EVC: variants seen among roughly 807,000 people sequenced by gnomAD.
EVC encodes the protein EvC ciliary complex subunit 1, also known as evC complex member EVC.
EVC carries 116 observed loss-of-function variants against 118.9 expected under a neutral mutation model. That is an observed-to-expected ratio of 0.98 (90% CI 0.84 to 1.14). The LOEUF (loss-of-function observed/expected upper bound fraction) is 1.14. Among genes scored for constraint, EVC ranks in the 50% most tolerant of loss-of-function variants. The pLI is 0.00. For missense variants in EVC, 1,401 were observed against 1,246.4 expected (o/e 1.12, Z -1.87); for synonymous variants, 619 against 534.7 (o/e 1.16, Z -2.18).
At chr4:5,780,786 T>C (rs1376267244) in intron 11 of EVC, among the ~76,000 whole-genome samples, 1 of 152,196 alleles carries the variant, frequency 6.6e-6, no homozygotes, top group African/African-American at 2.4e-5. Context: ...AGACAGCTCA[T>C]GGACTCAGCC....
rs1731115287 is a variant in EVC at position 5,756,012 on chromosome 4, T to C, written c.1465-252T>C. Among the ~76,000 whole-genome samples the C allele has an allele frequency of 6.6e-6, 1 of 152,150 alleles. No homozygotes were observed. The highest frequency in any genetic ancestry group is 2.4e-5 in the African/African-American group (1 of 41,448). On this transcript the variant is annotated intron_variant, in intron 10 of 20. Transcript: ENST00000264956. This position sits in a 1 kb window ranked among gnomAD's most constrained non-coding sequence, Gnocchi z 4.2. ...CAGAGGAGTGACAGAAGTGGTCCAGTGGCCCCTCCTCATCCTGGCTTTAAC... is the reference window on the plus strand; with the variant it reads ...CAGAGGAGTGACAGAAGTGGTCCAGCGGCCCCTCCTCATCCTGGCTTTAAC...
Position 5,798,172 on chromosome 4 carries a change from A to G in EVC, c.2098-414A>G, listed in dbSNP as rs1389386842. 6.6e-6 allele frequency among the ~76,000 whole-genome samples: 1 copy of G among 152,196 alleles called. No individual in the cohort carries two copies. The highest frequency in any genetic ancestry group is 1.5e-5 in the Non-Finnish European group (1 of 68,032). ...CTCAGAGCCCTGTGTGCCCTGCCTC[A>G]GCTTCTGTGATATCCTGAGACTCAC... On this transcript the variant is annotated intron_variant, in intron 14 of 20. Transcript: ENST00000264956. The surrounding 1 kb of genome is among the most constrained non-coding windows in gnomAD (Gnocchi z 4.1).
At chr4:5,751,133 C>A (rs1251841877) in intron 8 of EVC, among the ~76,000 whole-genome samples, 1 of 152,164 alleles carries the variant, frequency 6.6e-6, no homozygotes, top group Non-Finnish European at 1.5e-5. Flanking sequence ...GCTCACTGTT[C>A]CCTGGCCGTT....
At chr4:5,807,291 A>T (rs1038113654) in intron 17 of EVC, among the ~76,000 whole-genome samples, 2 of 152,178 alleles carry the variant, frequency 1.3e-5, no homozygotes, top group African/African-American at 4.8e-5. Flanking sequence ...GGGATGGATG[A>T]CAGCGTCTTG....
intron 8 of EVC, among the ~76,000 whole-genome samples, chr4:5,752,093 G>A (rs1027032512): frequency 6.6e-6 from 1 of 151,952 alleles, no homozygotes; most frequent in African/African-American, 2.4e-5. Context: ...CTGTGGCCTC[G>A]GCCCAGCACA....
chr4:5,729,949 T>C (rs1726515930), intron 3 of EVC, among the ~76,000 whole-genome samples: 1 of 152,204 alleles, frequency 6.6e-6, no homozygotes, highest in Non-Finnish European at 1.5e-5. Flanking sequence ...GGTTACACCT[T>C]CCATGGCGCT....
chr4:5,761,207 A>G (rs1464524234), intron 11 of EVC, among the ~76,000 whole-genome samples: 1 of 152,064 alleles, frequency 6.6e-6, no homozygotes, highest in Non-Finnish European at 1.5e-5. Context: ...TCCAAGGCCC[A>G]GACCTGGCAC....
rs577067865 is a variant in EVC, at chr4:5,787,912, T to C, written c.1776+4148T>C. Among the ~76,000 whole-genome samples, 100 of 152,294 alleles carry C rather than the reference T, an allele frequency of 6.6e-4. 2 individuals are homozygous for C. Among genetic ancestry groups the C allele is most frequent in the African/African-American group, 2.3e-3 (96 of 41,564 alleles). Reference sequence around the variant, plus strand: ...GCCGAGCTTTCAGGCCTCCTCTTACTGGACAAGGTGGTGTTTGGCCAAGTT... The same window carrying C: ...GCCGAGCTTTCAGGCCTCCTCTTACCGGACAAGGTGGTGTTTGGCCAAGTT... On this transcript the variant is annotated intron_variant, in intron 12 of 20. Coordinates refer to ENST00000264956, the MANE Select transcript of EVC (RefSeq NM_153717.3).
chr4:5,728,308 C>T (rs1040473127), intron 2 of EVC, among the ~76,000 whole-genome samples: 1 of 151,826 alleles, frequency 6.6e-6, no homozygotes, highest in Non-Finnish European at 1.5e-5. Flanking sequence ...AAGTTGGATT[C>T]CTAGGTATTT....
chr4:5,741,180 G>C (rs936202069), intron 5 of EVC, among the ~76,000 whole-genome samples: 4 of 152,194 alleles, frequency 2.6e-5, no homozygotes, highest in Non-Finnish European at 5.9e-5. Flanking sequence ...AAATAATCCA[G>C]ATGTCTTACA....
rs1251063717 is a variant in EVC, at chr4:5,809,995, T to C, written c.2783-344T>C. ...GTGGTGTGAGAACACAGAGATCTAC[T>C]GAAACAAAAGCTGTCACACTGGTGC... On this transcript the variant is annotated intron_variant, in intron 19 of 20. Coordinates refer to ENST00000264956, the MANE Select transcript of EVC (RefSeq NM_153717.3). Among the ~76,000 whole-genome samples the C allele has an allele frequency of 2.0e-5, 3 of 152,222 alleles. No individual in the cohort carries two copies. In the East Asian group the frequency reaches 5.8e-4, roughly 29 times the overall value.
intron 1 of EVC, among the ~76,000 whole-genome samples, chr4:5,712,423 G>A (rs1304357101): frequency 6.6e-6 from 1 of 152,214 alleles, no homozygotes; most frequent in Non-Finnish European, 1.5e-5. Flanking sequence ...TGCTTCCTAT[G>A]CAAGTGGCCC....
chr4:5,748,719 C>CCAT, intron 8 of EVC, among the ~76,000 whole-genome samples: 1 of 114,686 alleles, frequency 8.7e-6, no homozygotes, highest in Non-Finnish European at 1.8e-5. Flanking sequence ...CATCCACCCA[C>CCAT]CCACCCATCC....
chr4:5,753,306 G>A (rs545165910), intron 9 of EVC, among the ~76,000 whole-genome samples: 3 of 152,342 alleles, frequency 2.0e-5, no homozygotes, highest in Admixed American at 2.0e-4. Context: ...CAGGGATTCC[G>A]GCTGATTGAG....
At chr4:5,722,910 G>C (rs1324552295) in intron 2 of EVC, among the ~76,000 whole-genome samples, 3 of 152,218 alleles carry the variant, frequency 2.0e-5, no homozygotes, top group African/African-American at 7.2e-5. Context: ...CCTTAATGAG[G>C]AGAGCTTTAA....
At chr4:5,809,656 G>T (rs1285321582) in intron 19 of EVC, 45 bp downstream of exon 19, 3 of 1,536,550 alleles carry the variant, frequency 2.0e-6, no homozygotes, top group Non-Finnish European at 2.7e-6. Context: ...ACTCTGGGCT[G>T]AGAGATACGG....
chr4:5,825,476 G>C, the EVC span: 1 of 1,553,070 alleles, frequency 6.4e-7, no homozygotes, highest in South Asian at 1.2e-5. The surrounding 1 kb of genome is among the most constrained non-coding windows in gnomAD (Gnocchi z 4.4). Flanking sequence ...GGGAGCCTGG[G>C]CCACCACTCT....
In EVC at chr4:5,746,165, C is replaced by T. The variant is rs1471484135; in HGVS notation, c.939+824C>T. 6.6e-6 allele frequency among the ~76,000 whole-genome samples: 1 copy of T among 152,054 alleles called. No individual in the cohort carries two copies. The highest frequency in any genetic ancestry group is 2.4e-5 in the African/African-American group (1 of 41,386). The stretch of plus-strand genomic sequence containing the variant: ...AGGGCTTGTTTGTGTCTTAAGCCAG[C>T]GAGATGGGAGTGTCTATTGCCAGCG... On this transcript the variant is annotated intron_variant, in intron 7 of 20. Transcript: ENST00000264956. This position sits in a 1 kb window ranked among gnomAD's most constrained non-coding sequence, Gnocchi z 5.8.
intron 8 of EVC, among the ~76,000 whole-genome samples, chr4:5,750,099 T>A (rs17746378): frequency 0.29 from 43,470 of 152,028 alleles, 7,355 homozygotes; most frequent in Admixed American, 0.41. Flanking sequence ...GAAGATATTT[T>A]ATTCACAGCA....
Sources: allele counts gnomAD v4.1 joint callset (sites outside exome capture counted in the v4.1 genomes callset), GRCh38; gene constraint gnomAD v4.1.1; non-coding constraint Gnocchi (gnomAD v3.1); transcripts MANE v1.5; gene names NCBI Gene and HGNC (gene_info 2026-07-23, HGNC 2026-07-21).